CDH23: variants seen among roughly 807,000 people sequenced by gnomAD.
CDH23 encodes cadherin related 23, also known as cadherin-23.
Under a neutral mutation model 317.1 loss-of-function variants are expected in CDH23, and 189 were observed. The observed-to-expected ratio is 0.60, with a 90% CI of 0.53 to 0.67. The LOEUF is 0.67. Among genes scored for constraint, CDH23 ranks in the 30% least tolerant of loss-of-function variants. The probability of loss-of-function intolerance (pLI) is 0.00; values close to 1 mark genes in which losing one functional copy is unlikely to be tolerated. For missense variants in CDH23, 4,401 were observed against 4,592.4 expected (o/e 0.96, Z 1.20); for synonymous variants, 1,839 against 1,876.8 (o/e 0.98, Z 0.52).
intron 38 of CDH23, chr10:71,762,018 C>T: frequency 6.3e-7 from 1 of 1,600,000 alleles, no homozygotes; most frequent in Non-Finnish European, 8.5e-7. Flanking sequence ...TTGAAGGCTG[C>T]CACCGGACCT....
chr10:71,431,771 C>G (rs142270010), intron 1 of CDH23, among the ~76,000 whole-genome samples: 33 of 152,200 alleles, frequency 2.2e-4, no homozygotes, highest in South Asian at 6.2e-4. Flanking sequence ...CATGTCCCCC[C>G]CTGCCTGCTA....
intron 38 of CDH23, among the ~76,000 whole-genome samples, chr10:71,759,846 C>CACACATAT (rs776230069): frequency 1.2e-4 from 7 of 59,932 alleles, no homozygotes; most frequent in East Asian, 8.1e-4. Flanking sequence ...CACACACACA[C>CACACATAT]ATATACACAC....
chr10:71,584,560 G>GTGTA (rs1239326299), intron 9 of CDH23, among the ~76,000 whole-genome samples: 1 of 151,896 alleles, frequency 6.6e-6, no homozygotes, highest in African/African-American at 2.4e-5. Flanking sequence ...GTGTGTGTGT[G>GTGTA]TGTGTGTGTG....
intron 38 of CDH23, chr10:71,749,610 C>T (rs577764052): frequency 1.7e-3 from 255 of 152,452 alleles, no homozygotes; most frequent in Non-Finnish European, 2.7e-3. Flanking sequence ...TCAGCCCCAT[C>T]TCCGGGCCTA....
At chr10:71,767,605 A>G (rs1840583316) in intron 38 of CDH23, among the ~76,000 whole-genome samples, 1 of 152,216 alleles carries the variant, frequency 6.6e-6, no homozygotes, top group Non-Finnish European at 1.5e-5. Context: ...TTCTGTCTTT[A>G]TCAAGATGCA....
chr10:71,432,443 G>A (rs867342234), intron 1 of CDH23, among the ~76,000 whole-genome samples: 3 of 150,762 alleles, frequency 2.0e-5, no homozygotes, highest in South Asian at 4.2e-4. Context: ...GTGTTTGAGA[G>A]CGTGTGTGTG....
At chr10:71,408,882 C>T (rs763146515) in intron 1 of CDH23, among the ~76,000 whole-genome samples, 4 of 152,206 alleles carry the variant, frequency 2.6e-5, no homozygotes, top group Non-Finnish European at 5.9e-5. Flanking sequence ...CTGCCTGGCT[C>T]AGAAGTCCGT....
At chr10:71,457,361 C>T (rs1172887955) in intron 3 of CDH23, among the ~76,000 whole-genome samples, 2 of 152,174 alleles carry the variant, frequency 1.3e-5, no homozygotes, top group Non-Finnish European at 2.9e-5. Flanking sequence ...GTACGATCAC[C>T]TTGTTCCAGG....
chr10:71,745,540 G>A (rs1839836012), intron 38 of CDH23, among the ~76,000 whole-genome samples: 1 of 152,184 alleles, frequency 6.6e-6, no homozygotes, highest in Admixed American at 6.5e-5. Context: ...GCCTGGCCGA[G>A]CCAAGGTGGG....
At chr10:71,728,728 G>A (rs1489047123) in intron 30 of CDH23, among the ~76,000 whole-genome samples, 1 of 152,198 alleles carries the variant, frequency 6.6e-6, no homozygotes, top group Non-Finnish European at 1.5e-5. Context: ...GCTGGGAAGA[G>A]GGTGCCTCTC....
chr10:71,754,686 C>T (rs1291849507), intron 38 of CDH23, among the ~76,000 whole-genome samples: 2 of 152,158 alleles, frequency 1.3e-5, no homozygotes, highest in Non-Finnish European at 1.5e-5. Flanking sequence ...TCTGTGCCTC[C>T]GTTTGCCCAT....
chr10:71,515,394 T>A (rs7912793), intron 6 of CDH23, among the ~76,000 whole-genome samples: 2,676 of 26,524 alleles, frequency 0.1, 82 homozygotes, highest in Middle Eastern at 0.15. Context: ...TCTCTCTCTC[T>A]CACACACACA....
intron 2 of CDH23, among the ~76,000 whole-genome samples, chr10:71,440,865 G>A (rs1320562293): frequency 3.9e-5 from 6 of 152,200 alleles, no homozygotes; most frequent in African/African-American, 1.4e-4. Context: ...CATTCCTGTG[G>A]GGGGCCAGCT....
Position 71,457,920 on chromosome 10 carries a change from G to A in CDH23, c.145+11525G>A, listed in dbSNP as rs538683223. Among the ~76,000 whole-genome samples, 3 of 152,364 alleles carry A rather than the reference G, an allele frequency of 2.0e-5. No homozygotes were observed. The East Asian group carries it at 5.8e-4, about 29-fold the overall frequency. On this transcript the variant is annotated intron_variant, in intron 3 of 69. Transcript: ENST00000224721. ...GGTGGGGGTCTCGTCCAGCTGTGCA[G>A]TGGCCAGGAAGCAGGCACCCCCTTT...
At chr10:71,666,256 G>C (rs111822111) in intron 14 of CDH23, among the ~76,000 whole-genome samples, 78 of 152,040 alleles carry the variant, frequency 5.1e-4, no homozygotes, top group Non-Finnish European at 9.4e-4. Context: ...AGAAGGCCCA[G>C]AGCAGGCACG....
chr10:71,702,084 C>G lies in CDH23; in HGVS notation c.2460C>G (p.Pro820=), dbSNP rs770577782. 3 of 1,613,964 alleles carry G rather than the reference C, an allele frequency of 1.9e-6. No homozygotes were observed. The Admixed American group carries it at 5.0e-5, about 27-fold the overall frequency. ...CCCTGGTGTACAGCATCCAGCCACC[C>G]AACAAGTTCTACAGCCTCAACAGCA... ...NGTLVYSIQP[P]NKFYSLNSTT... Residue 820 remains proline, a synonymous_variant, in exon 23 of 70, where the codon CCC becomes CCG. Coordinates refer to ENST00000224721, the MANE Select transcript of CDH23 (RefSeq NM_022124.6).
At chr10:71,810,722 G>A (rs151224124) in intron 62 of CDH23, among the ~76,000 whole-genome samples, 153 bp downstream of exon 62, 1 of 152,274 alleles carries the variant, frequency 6.6e-6, no homozygotes, top group East Asian at 1.9e-4. Flanking sequence ...GGCTAGGAGA[G>A]AGAGCAGAGT....
chr10:71,531,702 T>C (rs1363226063), intron 6 of CDH23, among the ~76,000 whole-genome samples: 1 of 152,128 alleles, frequency 6.6e-6, no homozygotes, highest in Non-Finnish European at 1.5e-5. Flanking sequence ...ACTGCCCTTG[T>C]CTTCCTAGCC....
intron 11 of CDH23, among the ~76,000 whole-genome samples, chr10:71,623,268 T>G (rs1383651469): frequency 6.6e-6 from 1 of 152,196 alleles, no homozygotes; most frequent in Non-Finnish European, 1.5e-5. Flanking sequence ...GCATGGAAGG[T>G]GCAGCCATGC....
Sources: allele counts gnomAD v4.1 joint callset (sites outside exome capture counted in the v4.1 genomes callset), GRCh38; gene constraint gnomAD v4.1.1; transcripts MANE v1.5; gene names NCBI Gene and HGNC (gene_info 2026-07-23, HGNC 2026-07-21).